The following TSHZ3 variants were observed in gnomAD, a reference collection of about 807,000 sequenced individuals.
TSHZ3 encodes teashirt homolog 3.
In TSHZ3, 10 loss-of-function variants were observed where a neutral mutation model predicts 64.5. That is an observed-to-expected ratio of 0.16 (90% CI 0.10 to 0.26). The LOEUF (loss-of-function observed/expected upper bound fraction) is 0.26, where lower values mean the gene tolerates loss of function less well. Ranked by LOEUF, TSHZ3 falls within the 10% of genes least tolerant of loss-of-function variation. The pLI, the probability that TSHZ3 is intolerant of heterozygous loss-of-function variation, is 1.00. For missense variants in TSHZ3, 1,242 were observed against 1,421.7 expected, an observed-to-expected ratio of 0.87 and a Z score of 2.03; for synonymous variants, 608 against 593.1, an observed-to-expected ratio of 1.03 and a Z score of -0.36.
rs190777857 is a variant in TSHZ3, at chr19:31,152,788, C to T, written n.872-1044G>A. 4.6e-5 allele frequency among the ~76,000 whole-genome samples: 7 copies of T among 152,296 alleles called. No homozygotes were observed. In the East Asian group the frequency reaches 1.4e-3, roughly 29 times the overall value. ...TGTGAAACACCTCCACTGTTAACAG[C>T]AGCTCCAGGGACCTTACAGAACCCA... is the stretch of plus-strand genomic sequence containing the variant. On this transcript the variant is annotated intron_variant and non_coding_transcript_variant, in intron 6 of 6. Coordinates refer to the TSHZ3 transcript ENST00000651361.
At chr19:31,215,585 G>A (rs1056222075) in intron 4 of TSHZ3, among the ~76,000 whole-genome samples, 1 of 152,164 alleles carries the variant, frequency 6.6e-6, no homozygotes, top group African/African-American at 2.4e-5. Flanking sequence ...ACAGAAAAAG[G>A]TTCTAAGCTG....
At chr19:31,273,253 C>A (rs376746955), downstream of TSHZ3, among the ~76,000 whole-genome samples, 3 of 152,274 alleles carry the variant, frequency 2.0e-5, no homozygotes, top group South Asian at 6.2e-4. Context: ...GCCCTACTGC[C>A]CAATTCTGAT....
chr19:31,300,038 ATGTG>A (rs1036313306), intron 1 of TSHZ3, among the ~76,000 whole-genome samples: 1 of 152,164 alleles, frequency 6.6e-6, no homozygotes, highest in Non-Finnish European at 1.5e-5. Flanking sequence ...ACAGAGAAGT[ATGTG>A]TGTATGTGTG....
chr19:31,269,533 C>A (rs1171523074), intron 1 of TSHZ3, among the ~76,000 whole-genome samples: 2 of 151,236 alleles, frequency 1.3e-5, no homozygotes, highest in Admixed American at 1.3e-4. Context: ...AAGAGAGTCA[C>A]ATAAAGGAAA....
intron 1 of TSHZ3, among the ~76,000 whole-genome samples, chr19:31,256,207 C>T (rs1227984913): frequency 6.6e-6 from 1 of 152,126 alleles, no homozygotes; most frequent in Non-Finnish European, 1.5e-5. Flanking sequence ...CAGAGGAATC[C>T]ACTCAGGGCC....
At chr19:31,297,838 C>A (rs916393634) in intron 1 of TSHZ3, among the ~76,000 whole-genome samples, 5 of 152,158 alleles carry the variant, frequency 3.3e-5, no homozygotes, top group African/African-American at 1.2e-4. Context: ...AGGATAGGTA[C>A]AACCCCCACC....
intron 6 of TSHZ3, among the ~76,000 whole-genome samples, chr19:31,152,549 C>G (rs904484043): frequency 3.3e-5 from 5 of 152,118 alleles, no homozygotes; most frequent in Non-Finnish European, 7.3e-5. Flanking sequence ...TGTAACATGA[C>G]TGAGTATTCA....
intron 5 of TSHZ3, among the ~76,000 whole-genome samples, chr19:31,170,987 C>G (rs1974527566): frequency 6.6e-6 from 1 of 152,114 alleles, no homozygotes; most frequent in Admixed American, 6.5e-5. Context: ...CAGTGGAACC[C>G]TTCAATGGAG....
At chr19:31,348,845 C>T (rs2145207211) in intron 1 of TSHZ3, 1 of 293,680 alleles carries the variant, frequency 3.4e-6, no homozygotes, top group East Asian at 5.9e-5. Flanking sequence ...CTCAGGTGAC[C>T]CCGCCCGCCA....
intron 1 of TSHZ3, among the ~76,000 whole-genome samples, chr19:31,320,037 A>T (rs2145165385): frequency 6.6e-6 from 1 of 152,004 alleles, no homozygotes; most frequent in Admixed American, 6.5e-5. Flanking sequence ...GCTGCAGATG[A>T]CCTGACGTAT....
chr19:31,193,081 C>T lies in TSHZ3; in HGVS notation n.809+11875G>A, dbSNP rs1047681231. On this transcript the variant is annotated intron_variant and non_coding_transcript_variant, in intron 5 of 6. Coordinates refer to the TSHZ3 transcript ENST00000651361. ...GTGCCTGTGTGGCACAGGGAGGCCT[C>T]ATGTTGCTGATGAAAGGGAGACGTG... Among the ~76,000 whole-genome samples, 8 of 152,262 alleles carry T rather than the reference C, an allele frequency of 5.3e-5. No homozygotes were observed. The South Asian group carries it at 1.5e-3, about 28-fold the overall frequency.
At chr19:31,192,434 G>A (rs1188331971) in intron 5 of TSHZ3, among the ~76,000 whole-genome samples, 1 of 152,174 alleles carries the variant, frequency 6.6e-6, no homozygotes, top group Admixed American at 6.5e-5. Flanking sequence ...TGTTTATAGT[G>A]GGAGAGTAAG....
Position 31,279,367 on chromosome 19 carries a change from G to A in TSHZ3, c.426C>T (p.Ser142=), listed in dbSNP as rs1976320154. 6.2e-7 allele frequency: 1 copy of A among 1,614,082 alleles called. No individual in the cohort carries two copies. Among genetic ancestry groups the A allele is most frequent in the South Asian group, 1.1e-5 (1 of 91,088 alleles). ...SNLNLNLHQP[S]SEKNNGSSSS... is the part of the protein sequence containing the mutation. ...TGCTGCTGCCGTTGTTCTTCTCCGA[G>A]GAGGGCTGGTGCAGGTTGAGGTTGA... The change falls in exon 2 of 2, where the codon TCC becomes TCT. Residue 142 remains serine (S), a synonymous_variant. Coordinates refer to ENST00000240587, the MANE Select transcript of TSHZ3 (RefSeq NM_020856.4). The surrounding 1 kb of genome is among the most constrained non-coding windows in gnomAD (Gnocchi z 6.4).
exon 5 of TSHZ3, chr19:31,205,018 G>C (rs1052603492): frequency 3.3e-5 from 5 of 152,290 alleles, no homozygotes; most frequent in Non-Finnish European, 4.4e-5. Context: ...TTTGAGGATG[G>C]AACTTGGGGT....
chr19:31,297,466 T>A (rs1976684201), intron 1 of TSHZ3, among the ~76,000 whole-genome samples: 1 of 152,032 alleles, frequency 6.6e-6, no homozygotes, highest in African/African-American at 2.4e-5. Context: ...TTCTACAACC[T>A]CGATTTTCTA....
At chr19:31,259,985 G>A (rs932790133) in intron 1 of TSHZ3, among the ~76,000 whole-genome samples, 21 of 152,152 alleles carry the variant, frequency 1.4e-4, no homozygotes, top group African/African-American at 4.8e-4. Context: ...CTTCCAACTT[G>A]ACTTTTCATC....
At chr19:31,282,965 C>T (rs937031116) in intron 1 of TSHZ3, among the ~76,000 whole-genome samples, 2 of 152,174 alleles carry the variant, frequency 1.3e-5, no homozygotes, top group Non-Finnish European at 2.9e-5. Context: ...TTTTCTTTTC[C>T]GATCTGAAGG....
downstream of TSHZ3, among the ~76,000 whole-genome samples, chr19:31,271,256 G>C (rs907562122): frequency 1.3e-5 from 2 of 152,132 alleles, no homozygotes; most frequent in Admixed American, 6.5e-5. Context: ...TCCAGGGTTC[G>C]CTGGCCTTTA....
At chr19:31,225,353 C>T (rs1444677930) in intron 4 of TSHZ3, among the ~76,000 whole-genome samples, 1 of 152,204 alleles carries the variant, frequency 6.6e-6, no homozygotes, top group African/African-American at 2.4e-5. Context: ...TTCCCCCAGC[C>T]TTGGCAGAGA....
Sources: allele counts gnomAD v4.1 joint callset (sites outside exome capture counted in the v4.1 genomes callset), GRCh38; gene constraint gnomAD v4.1.1; non-coding constraint Gnocchi (gnomAD v3.1); transcripts MANE v1.5; gene names NCBI Gene and HGNC (gene_info 2026-07-23, HGNC 2026-07-21).